The following SYN3 variants were observed in gnomAD, a reference collection of about 807,000 sequenced individuals.
SYN3 encodes synapsin III, also known as synapsin-3.
Under a neutral mutation model 65.8 loss-of-function variants are expected in SYN3, and 35 were observed. The observed-to-expected ratio is 0.53, with a 90% CI of 0.41 to 0.70. SYN3 has a LOEUF of 0.70. Among genes scored for constraint, SYN3 ranks in the 30% least tolerant of loss-of-function variants. The pLI is 0.00. For synonymous variants in SYN3, 270 were observed against 292.9 expected (o/e 0.92, Z 0.80); for missense variants, 680 against 749.0 (o/e 0.91, Z 1.08).
chr22:33,008,319 A>G (rs905183755), intron 1 of SYN3, among the ~76,000 whole-genome samples: 2 of 152,184 alleles, frequency 1.3e-5, no homozygotes, highest in Non-Finnish European at 2.9e-5. Flanking sequence ...TGATAAATGT[A>G]TATACTGGTA....
At chr22:32,532,307 G>A (rs1003836062) in intron 10 of SYN3, among the ~76,000 whole-genome samples, 26 of 152,290 alleles carry the variant, frequency 1.7e-4, no homozygotes, top group African/African-American at 3.6e-4. Flanking sequence ...AGGAGCTGCC[G>A]TGCTGGGGGT....
chr22:32,681,154 G>A (rs935972948), intron 6 of SYN3, among the ~76,000 whole-genome samples: 1 of 152,160 alleles, frequency 6.6e-6, no homozygotes, highest in Non-Finnish European at 1.5e-5. Flanking sequence ...TGGCAGAGTC[G>A]ACAGGGGTTG....
At chr22:32,787,760 C>G (rs745910645) in intron 6 of SYN3, among the ~76,000 whole-genome samples, 1 of 152,092 alleles carries the variant, frequency 6.6e-6, no homozygotes, top group Non-Finnish European at 1.5e-5. Context: ...AAATGAGACC[C>G]TGGGAGGCTC....
intron 7 of SYN3, among the ~76,000 whole-genome samples, chr22:32,543,163 C>T (rs2058285712): frequency 6.6e-6 from 1 of 152,192 alleles, no homozygotes; most frequent in African/African-American, 2.4e-5. Context: ...AATGCCCACT[C>T]ACATTTCCAC....
chr22:32,768,313 A>G (rs1202183461), intron 6 of SYN3, among the ~76,000 whole-genome samples: 3 of 152,220 alleles, frequency 2.0e-5, no homozygotes. Flanking sequence ...CTGGAAAGAC[A>G]TGCTTCATCT....
At chr22:32,594,931 C>T (rs1396434930) in intron 7 of SYN3, among the ~76,000 whole-genome samples, 1 of 152,218 alleles carries the variant, frequency 6.6e-6, no homozygotes, top group Non-Finnish European at 1.5e-5. Flanking sequence ...TACTTGGCCT[C>T]ACATTGTTTA....
At chr22:32,772,357 C>T (rs1755019696) in intron 6 of SYN3, among the ~76,000 whole-genome samples, 1 of 150,408 alleles carries the variant, frequency 6.6e-6, no homozygotes, top group Non-Finnish European at 1.5e-5. Context: ...CCTGGTGTGA[C>T]CCCAGATACA....
intron 6 of SYN3, among the ~76,000 whole-genome samples, chr22:32,696,951 G>A (rs1021396932): frequency 6.6e-6 from 1 of 152,208 alleles, no homozygotes; most frequent in Admixed American, 6.5e-5. Flanking sequence ...CTGCCCAACC[G>A]TTTAACAATG....
chr22:33,043,375 C>T (rs1305130336), intron 1 of SYN3, among the ~76,000 whole-genome samples: 2 of 152,032 alleles, frequency 1.3e-5, no homozygotes, highest in African/African-American at 2.4e-5. Flanking sequence ...TGGCGAAACC[C>T]CGTCTCTACT....
At chr22:32,826,648 G>T (rs553208851) in intron 6 of SYN3, among the ~76,000 whole-genome samples, 1 of 152,258 alleles carries the variant, frequency 6.6e-6, no homozygotes, top group Admixed American at 6.5e-5. Context: ...GTGTCATCTT[G>T]TTGACTATTC....
intron 7 of SYN3, among the ~76,000 whole-genome samples, chr22:32,595,847 C>T (rs1041578875): frequency 1.3e-5 from 2 of 152,172 alleles, no homozygotes; most frequent in Non-Finnish European, 2.9e-5. Context: ...GAGGCCATGA[C>T]GGGTGGATCA....
intron 6 of SYN3, among the ~76,000 whole-genome samples, chr22:32,657,578 G>A (rs1458705712): frequency 2.6e-5 from 4 of 152,210 alleles, no homozygotes; most frequent in African/African-American, 9.7e-5. Flanking sequence ...GGGGCTACTC[G>A]CATTCAGGCT....
At position 32,873,088 on chromosome 22, in the gene SYN3, T is replaced by C. The variant is rs563521034; in HGVS notation, c.462-3963A>G. 1.2e-4 allele frequency among the ~76,000 whole-genome samples: 18 copies of C among 152,090 alleles called. 1 individual carries two copies. In the East Asian group the frequency reaches 1.7e-3, roughly 15 times the overall value. ...GTCTCAGCCTCCCAAGTAGCTGGGA[T>C]TACAGGCACGTGCCCCTGCACCCGG... On this transcript the variant is annotated intron_variant, in intron 4 of 13. Coordinates refer to ENST00000358763, the MANE Select transcript of SYN3 (RefSeq NM_003490.4).
intron 6 of SYN3, among the ~76,000 whole-genome samples, chr22:32,672,131 C>A (rs2060380128): frequency 6.6e-6 from 1 of 152,146 alleles, no homozygotes; most frequent in Non-Finnish European, 1.5e-5. Flanking sequence ...GGCCAGCAGG[C>A]TGGATGTGTC....
intron 1 of SYN3, among the ~76,000 whole-genome samples, chr22:33,033,074 G>A (rs1172742743): frequency 6.6e-6 from 1 of 151,592 alleles, no homozygotes; most frequent in Non-Finnish European, 1.5e-5. Flanking sequence ...GAGCAATGGT[G>A]TGACCTCAGC....
intron 6 of SYN3, among the ~76,000 whole-genome samples, chr22:32,641,003 G>T (rs1601819752): frequency 6.6e-6 from 1 of 152,340 alleles, no homozygotes; most frequent in East Asian, 1.9e-4. Flanking sequence ...GCTTAAGCTG[G>T]GTGTGCCTGG....
intron 7 of SYN3, among the ~76,000 whole-genome samples, chr22:32,572,272 CCCCTCCCT>C (rs1055161045): frequency 2.1e-5 from 1 of 48,626 alleles, no homozygotes; most frequent in Non-Finnish European, 3.6e-5. Flanking sequence ...CCTTCCTTCC[CCCCTCCCT>C]CCCTCCCTCC....
At chr22:32,835,963 T>C (rs923863226) in intron 6 of SYN3, among the ~76,000 whole-genome samples, 5 of 152,220 alleles carry the variant, frequency 3.3e-5, no homozygotes, top group African/African-American at 9.6e-5. Flanking sequence ...AATTCAGTCT[T>C]GGGAATTTTC....
At chr22:32,680,655 T>C (rs2060510781) in intron 6 of SYN3, among the ~76,000 whole-genome samples, 1 of 152,182 alleles carries the variant, frequency 6.6e-6, no homozygotes, top group South Asian at 2.1e-4. Context: ...TGCTAGTAGG[T>C]TTCATCCTTT....
Sources: gnomAD v4.1 joint callset for allele counts (sites outside exome capture counted in the v4.1 genomes callset) on GRCh38, gnomAD v4.1.1 for gene constraint, MANE v1.5 for transcripts, NCBI Gene and HGNC (gene_info 2026-07-23, HGNC 2026-07-21) for gene names.